The following ARID1B variants were observed in gnomAD, a reference collection of about 807,000 sequenced individuals.
ARID1B encodes AT-rich interactive domain-containing protein 1B.
Under a neutral mutation model 212.3 loss-of-function variants are expected in ARID1B, and 30 were observed. That is an observed-to-expected ratio of 0.14 (90% CI 0.11 to 0.19). The LOEUF is 0.19. Among genes scored for constraint, ARID1B ranks in the 10% least tolerant of loss-of-function variants. The probability of loss-of-function intolerance (pLI) is 1.00; values close to 1 mark genes in which losing one functional copy is unlikely to be tolerated. For missense variants in ARID1B, 2,891 were observed against 3,204.0 expected (o/e 0.90, Z 2.36); for synonymous variants, 1,402 against 1,301.7 (o/e 1.08, Z -1.66).
intron 8 of ARID1B, among the ~76,000 whole-genome samples, chr6:157,154,187 GAATTTAC>G (rs1392715332): frequency 6.6e-6 from 1 of 152,174 alleles, no homozygotes; most frequent in Non-Finnish European, 1.5e-5. Context: ...TGATTTCACT[GAATTTAC>G]AGAAGATCTC....
At chr6:156,906,655 G>A (rs1395881356) in intron 3 of ARID1B, among the ~76,000 whole-genome samples, 1 of 150,768 alleles carries the variant, frequency 6.6e-6, no homozygotes, top group African/African-American at 2.4e-5. Context: ...CTGTTGTTTC[G>A]GGCACTGTTG....
chr6:157,132,453 A>G (rs1788615622), intron 6 of ARID1B, among the ~76,000 whole-genome samples: 1 of 152,220 alleles, frequency 6.6e-6, no homozygotes. Context: ...TGTAAGGGGT[A>G]GTGCCGAGTC....
intron 7 of ARID1B, among the ~76,000 whole-genome samples, chr6:157,137,761 A>T (rs1259146500): frequency 9.2e-5 from 14 of 152,204 alleles, no homozygotes. Flanking sequence ...GGGCCACCAC[A>T]CACAGCCATA....
chr6:157,083,022 C>T (rs1054814930), intron 4 of ARID1B, among the ~76,000 whole-genome samples: 1 of 152,120 alleles, frequency 6.6e-6, no homozygotes, highest in Non-Finnish European at 1.5e-5. Context: ...GGATCCTAAT[C>T]CTGAGTTTGC....
At chr6:156,999,730 C>T (rs577704391) in intron 4 of ARID1B, among the ~76,000 whole-genome samples, 1 of 152,280 alleles carries the variant, frequency 6.6e-6, no homozygotes, top group African/African-American at 2.4e-5. Flanking sequence ...CCTCTCAGTG[C>T]CAGCACACTT....
chr6:157,117,164 G>A (rs1185196379), intron 6 of ARID1B, among the ~76,000 whole-genome samples: 2 of 152,224 alleles, frequency 1.3e-5, no homozygotes, highest in Middle Eastern at 3.4e-3. Flanking sequence ...GCATGATCAG[G>A]CATTTCAAGG....
At chr6:157,137,836 C>T (rs184406432) in intron 7 of ARID1B, among the ~76,000 whole-genome samples, 252 of 152,186 alleles carry the variant, frequency 1.7e-3, no homozygotes, top group African/African-American at 5.8e-3. Context: ...AAGCAGAGGA[C>T]TTACAAGTAG....
intron 4 of ARID1B, among the ~76,000 whole-genome samples, chr6:157,027,224 C>T (rs188301692): frequency 7.4e-4 from 112 of 152,224 alleles, no homozygotes; most frequent in Non-Finnish European, 1.3e-3. Context: ...TTTCCTCTAA[C>T]ACAATAATTC....
chr6:157,135,141 A>C (rs1170636668), intron 7 of ARID1B, among the ~76,000 whole-genome samples: 2 of 150,898 alleles, frequency 1.3e-5, no homozygotes, highest in East Asian at 3.9e-4. Context: ...GAATGTGAAG[A>C]CTCTTAATTT....
chr6:157,210,166 C>T lies in ARID1B; in HGVS notation c.*2275C>T, dbSNP rs1452401707. ...ATTACTGAGTCAAACAGTCTTCTTA[C>T]ATAACAATGCAACCAAATATATGTT... On this transcript the variant is annotated 3_prime_UTR_variant, in exon 20 of 20. Transcript: ENST00000636930. 9 of 232,238 alleles carry T rather than the reference C, an allele frequency of 3.9e-5. No homozygotes were observed. Among genetic ancestry groups the T allele is most frequent in the African/African-American group, 1.8e-4 (8 of 45,292 alleles). 14.4% of individuals were successfully genotyped at this position (232,238 alleles called of 1,614,324 possible). A position where few individuals can be genotyped will look rare whatever the true frequency, so the allele number is the denominator to read the frequency against.
chr6:157,127,316 T>C (rs1246760073), intron 6 of ARID1B, among the ~76,000 whole-genome samples: 1 of 152,164 alleles, frequency 6.6e-6, no homozygotes, highest in African/African-American at 2.4e-5. Context: ...CAGTGCTCTC[T>C]TGGTTACCAT....
At chr6:156,861,326 C>T (rs1005693849) in intron 2 of ARID1B, among the ~76,000 whole-genome samples, 6 of 152,178 alleles carry the variant, frequency 3.9e-5, no homozygotes, top group Non-Finnish European at 5.9e-5. Flanking sequence ...CCAGGCCAGG[C>T]GTGGTGGTTC....
chr6:156,948,792 A>G (rs1793361674), intron 4 of ARID1B, among the ~76,000 whole-genome samples: 1 of 152,266 alleles, frequency 6.6e-6, no homozygotes, highest in Non-Finnish European at 1.5e-5. Context: ...GGAATAAGAA[A>G]AGAAATCCTC....
chr6:156,801,305 A>G (rs769795272), intron 1 of ARID1B, among the ~76,000 whole-genome samples: 3 of 150,272 alleles, frequency 2.0e-5, no homozygotes, highest in Non-Finnish European at 2.9e-5. Flanking sequence ...GTTTCAAGCA[A>G]TTCTCTGCCT....
At chr6:156,790,766 A>G (rs1028001241) in intron 1 of ARID1B, among the ~76,000 whole-genome samples, 3 of 152,288 alleles carry the variant, frequency 2.0e-5, no homozygotes, top group African/African-American at 2.4e-5. Context: ...GCCCTCTGCA[A>G]TCCTGACTTT....
intron 4 of ARID1B, chr6:157,024,693 A>G (rs1482139152): frequency 6.6e-6 from 1 of 152,244 alleles, no homozygotes; most frequent in Non-Finnish European, 1.5e-5. Flanking sequence ...AATCACTTGA[A>G]CCTGGAGGCA....
chr6:156,839,986 G>A lies in ARID1B; in HGVS notation c.1986+10565G>A, dbSNP rs565965137. On this transcript the variant is annotated intron_variant, in intron 2 of 19. Transcript: ENST00000636930. ...ATTTGAGTTCGGATTTCTAAATTTCGGAGGCAGAACTTTGTGGTTGTTAAC... is the reference window on the plus strand; with the variant it reads ...ATTTGAGTTCGGATTTCTAAATTTCAGAGGCAGAACTTTGTGGTTGTTAAC... Among the ~76,000 whole-genome samples, 125 of 152,308 alleles carry A rather than the reference G, an allele frequency of 8.2e-4. 1 individual carries two copies. The highest frequency in any genetic ancestry group is 1.3e-3 in the Non-Finnish European group (90 of 68,036).
At chr6:156,924,200 G>A (rs937102728) in intron 3 of ARID1B, among the ~76,000 whole-genome samples, 1 of 152,154 alleles carries the variant, frequency 6.6e-6, no homozygotes, top group African/African-American at 2.4e-5. Context: ...TAAGTTCCAA[G>A]ACCCCCAGTG....
At chr6:157,020,784 A>G (rs1780186943) in intron 4 of ARID1B, among the ~76,000 whole-genome samples, 1 of 152,198 alleles carries the variant, frequency 6.6e-6, no homozygotes, top group Non-Finnish European at 1.5e-5. Context: ...TCATAACTCA[A>G]TAAATTATTT....
Sources: gnomAD v4.1 joint callset for allele counts (sites outside exome capture counted in the v4.1 genomes callset) on GRCh38, gnomAD v4.1.1 for gene constraint, MANE v1.5 for transcripts, NCBI Gene and HGNC (gene_info 2026-07-23, HGNC 2026-07-21) for gene names.